The following KCNIP4 variants were observed in gnomAD, a reference collection of about 807,000 sequenced individuals.
KCNIP4 encodes Kv channel-interacting protein 4.
In KCNIP4, 12 loss-of-function variants were observed where a neutral mutation model predicts 34.0. That is an observed-to-expected ratio of 0.35 (90% CI 0.23 to 0.57). The LOEUF (loss-of-function observed/expected upper bound fraction) is 0.57. Ranked by LOEUF, KCNIP4 falls within the 20% of genes least tolerant of loss-of-function variation. The pLI is 0.83. For missense variants in KCNIP4, 238 were observed against 311.7 expected, an observed-to-expected ratio of 0.76 and a Z score of 1.78; for synonymous variants, 124 against 102.2, an observed-to-expected ratio of 1.21 and a Z score of -1.29.
rs558012525 is a variant in KCNIP4 at position 20,899,800 on chromosome 4, A to C, written c.62-17091T>G. 2.0e-5 allele frequency among the ~76,000 whole-genome samples: 3 copies of C among 152,262 alleles called. No homozygotes were observed. In the South Asian group the frequency reaches 6.2e-4, roughly 31 times the overall value. ...AACTCTGGACATCCTTATTAGCCTTATGGAAAAATCCACTAAGACCTTAAA... is the reference window on the plus strand; with the variant it reads ...AACTCTGGACATCCTTATTAGCCTTCTGGAAAAATCCACTAAGACCTTAAA... On this transcript the variant is annotated intron_variant, in intron 1 of 8. Transcript: ENST00000382152.
chr4:21,206,086 A>T (rs1397799233), intron 1 of KCNIP4, among the ~76,000 whole-genome samples: 1 of 152,076 alleles, frequency 6.6e-6, no homozygotes, highest in East Asian at 1.9e-4. Flanking sequence ...GTTAACATTC[A>T]TTTGCCCTTT....
chr4:21,329,693 G>A (rs1046320977), intron 1 of KCNIP4, among the ~76,000 whole-genome samples: 5 of 152,126 alleles, frequency 3.3e-5, no homozygotes, highest in Non-Finnish European at 7.4e-5. Context: ...CTCACATTAG[G>A]TCTTGAAGAA....
chr4:20,802,154 C>G (rs1041839127), intron 3 of KCNIP4, among the ~76,000 whole-genome samples: 5 of 141,380 alleles, frequency 3.5e-5, no homozygotes, highest in African/African-American at 1.3e-4. Context: ...TATATATATG[C>G]TATATATATG....
At chr4:21,838,214 C>A (rs948420110) in intron 1 of KCNIP4, among the ~76,000 whole-genome samples, 5 of 152,120 alleles carry the variant, frequency 3.3e-5, no homozygotes, top group Non-Finnish European at 5.9e-5. Flanking sequence ...TAATCTTCAA[C>A]CCCCCTGGAC....
chr4:21,157,207 C>T (rs1459407255), intron 1 of KCNIP4, among the ~76,000 whole-genome samples: 1 of 152,084 alleles, frequency 6.6e-6, no homozygotes, highest in Non-Finnish European at 1.5e-5. Flanking sequence ...ACTCAGTACA[C>T]ATAGACAGTA....
chr4:20,789,628 A>G (rs1712466085), intron 3 of KCNIP4, among the ~76,000 whole-genome samples: 1 of 152,038 alleles, frequency 6.6e-6, no homozygotes, highest in South Asian at 2.1e-4. Context: ...CCTCGAAAGC[A>G]CTAGGTCATT....
intron 1 of KCNIP4, among the ~76,000 whole-genome samples, chr4:21,652,878 T>C (rs928743761): frequency 6.6e-6 from 1 of 152,164 alleles, no homozygotes; most frequent in South Asian, 2.1e-4. Context: ...TGCAGTAGGA[T>C]GTGCTTAAGC....
chr4:21,939,361 C>G (rs2109017610), intron 1 of KCNIP4, among the ~76,000 whole-genome samples: 1 of 152,144 alleles, frequency 6.6e-6, no homozygotes, highest in East Asian at 1.9e-4. Context: ...TACCTTCCAG[C>G]TTCCCAGTTT....
intron 1 of KCNIP4, chr4:20,983,802 C>A (rs1418118894): frequency 6.5e-7 from 1 of 1,535,292 alleles, no homozygotes; most frequent in Non-Finnish European, 8.7e-7. Context: ...CAGACTGGAG[C>A]GACCACTTTA....
chr4:20,893,945 A>T (rs1055727310), intron 1 of KCNIP4, among the ~76,000 whole-genome samples: 12 of 152,218 alleles, frequency 7.9e-5, no homozygotes, highest in African/African-American at 2.4e-4. Context: ...CAGTGGTGTG[A>T]TCTGGGCTCA....
rs543067673 is a variant in KCNIP4, at chr4:21,272,184, G to A, written c.62-389475C>T. ...CATTTTCCTTAACCTCTCTGCCTTC[G>A]TTTCATCATACATAATTCAGGATAA... On this transcript the variant is annotated intron_variant, in intron 1 of 8. Coordinates refer to ENST00000382152, the MANE Select transcript of KCNIP4 (RefSeq NM_025221.6). Among the ~76,000 whole-genome samples the A allele has an allele frequency of 1.6e-4, 24 of 152,042 alleles. 1 individual carries two copies. The highest frequency in any genetic ancestry group is 4.1e-4 in the South Asian group (2 of 4,836).
chr4:20,834,476 G>A (rs953641581), intron 3 of KCNIP4, among the ~76,000 whole-genome samples: 2 of 152,086 alleles, frequency 1.3e-5, no homozygotes, highest in African/African-American at 4.8e-5. Context: ...GCTAAGTAAG[G>A]AACAAACTGG....
At chr4:21,748,861 G>C (rs1716958255) in intron 1 of KCNIP4, among the ~76,000 whole-genome samples, 1 of 152,068 alleles carries the variant, frequency 6.6e-6, no homozygotes. Flanking sequence ...CCAGTTCCTG[G>C]GTTTTGATGG....
At chr4:20,800,124 C>T (rs545304288) in intron 3 of KCNIP4, among the ~76,000 whole-genome samples, 1 of 152,306 alleles carries the variant, frequency 6.6e-6, no homozygotes, top group South Asian at 2.1e-4. Flanking sequence ...ATTATTGCCA[C>T]AAATTCCTGT....
At position 20,730,070 on chromosome 4, in the gene KCNIP4, C is replaced by G; in HGVS notation, c.*12G>C. 6.2e-7 allele frequency: 1 copy of G among 1,605,738 alleles called. No individual in the cohort carries two copies. ...CACATTTGTCTGTTGGATTCAGGAT[C>G]TATTTGACAAGTTAAATCACATTTT... On this transcript the variant is annotated 3_prime_UTR_variant, in exon 9 of 9. Coordinates refer to ENST00000382152, the MANE Select transcript of KCNIP4 (RefSeq NM_025221.6).
intron 1 of KCNIP4, among the ~76,000 whole-genome samples, chr4:21,492,748 AG>A (rs1285278681): frequency 6.6e-6 from 1 of 152,182 alleles, no homozygotes; most frequent in Admixed American, 6.5e-5. Context: ...CAAACTATAA[AG>A]CCAATTATAT....
At chr4:21,657,488 G>A (rs1460759837) in intron 1 of KCNIP4, among the ~76,000 whole-genome samples, 1 of 152,202 alleles carries the variant, frequency 6.6e-6, no homozygotes, top group Non-Finnish European at 1.5e-5. Flanking sequence ...GTGAGAATTA[G>A]AGATACAGCT....
intron 1 of KCNIP4, among the ~76,000 whole-genome samples, chr4:21,457,450 C>T (rs1348689560): frequency 1.3e-5 from 2 of 152,008 alleles, no homozygotes; most frequent in African/African-American, 4.8e-5. Flanking sequence ...TTCAGAGAAT[C>T]CTTCAACATC....
At chr4:21,793,348 C>G (rs1041932844) in intron 1 of KCNIP4, among the ~76,000 whole-genome samples, 5 of 152,244 alleles carry the variant, frequency 3.3e-5, no homozygotes, top group Admixed American at 1.3e-4. Context: ...ACCTCCACCT[C>G]CCAGCCTCAA....
Sources: gnomAD v4.1 joint callset for allele counts (sites outside exome capture counted in the v4.1 genomes callset) on GRCh38, gnomAD v4.1.1 for gene constraint, MANE v1.5 for transcripts, NCBI Gene and HGNC (gene_info 2026-07-23, HGNC 2026-07-21) for gene names.